PRKCI: variants seen among roughly 807,000 people sequenced by gnomAD.
PRKCI encodes protein kinase C iota, also known as protein kinase C iota type.
Under a neutral mutation model 84.0 loss-of-function variants are expected in PRKCI, and 43 were observed. The observed-to-expected ratio is 0.51, with a 90% CI of 0.40 to 0.66. The LOEUF is 0.66. Among genes scored for constraint, PRKCI ranks in the 30% least tolerant of loss-of-function variants. PRKCI has a pLI of 0.00. For missense variants in PRKCI, 459 were observed against 745.6 expected (o/e 0.62, Z 4.48); for synonymous variants, 216 against 234.4 (o/e 0.92, Z 0.72).
chr3:170,298,785 C>A (rs925768107), intron 16 of PRKCI, among the ~76,000 whole-genome samples: 1 of 152,238 alleles, frequency 6.6e-6, no homozygotes, highest in African/African-American at 2.4e-5. Context: ...AAGTGATCCT[C>A]CCATCTCAAC....
rs376385729 is a variant in PRKCI, at chr3:170,222,646, G to C, written c.-24G>C. The C allele has an allele frequency of 2.8e-5, 43 of 1,550,302 alleles. No individual in the cohort carries two copies. Among genetic ancestry groups the C allele is most frequent in the Non-Finnish European group, 3.7e-5 (43 of 1,148,804 alleles). ...CGCCCCCCCGCACCCCCGGCCTCCA[G>C]CGTTGAGGCGGGGGAGTGAGGAGAT... On this transcript the variant is annotated 5_prime_UTR_variant, in exon 1 of 18. Transcript: ENST00000295797.
intron 17 of PRKCI, among the ~76,000 whole-genome samples, 185 bp downstream of exon 17, chr3:170,299,295 C>T (rs1361246965): frequency 2.0e-5 from 3 of 152,168 alleles, no homozygotes; most frequent in Non-Finnish European, 2.9e-5. Context: ...GGTGCAATCT[C>T]GGCTCACTGC....
chr3:170,237,759 G>C (rs1230131452), intron 2 of PRKCI, among the ~76,000 whole-genome samples: 2 of 152,120 alleles, frequency 1.3e-5, no homozygotes, highest in Non-Finnish European at 2.9e-5. Context: ...CAGTGTTCCT[G>C]AAGTAATTCA....
chr3:170,301,688 C>T (rs190217053), intron 17 of PRKCI, among the ~76,000 whole-genome samples: 43 of 152,082 alleles, frequency 2.8e-4, no homozygotes, highest in African/African-American at 9.4e-4. Flanking sequence ...TTTTCTCTTC[C>T]CGTTGACACA....
chr3:170,251,495 A>G (rs1398331691), intron 2 of PRKCI, among the ~76,000 whole-genome samples: 1 of 152,252 alleles, frequency 6.6e-6, no homozygotes, highest in Non-Finnish European at 1.5e-5. Flanking sequence ...TGAGGTATAA[A>G]TAGTCAATTC....
At chr3:170,244,474 T>TC (rs1216769537) in intron 2 of PRKCI, among the ~76,000 whole-genome samples, 1 of 152,060 alleles carries the variant, frequency 6.6e-6, no homozygotes, top group Non-Finnish European at 1.5e-5. Flanking sequence ...AAGCTCTGTG[T>TC]CCCCCCGTAC....
intron 2 of PRKCI, among the ~76,000 whole-genome samples, chr3:170,239,855 A>C (rs1229793874): frequency 6.6e-6 from 1 of 152,050 alleles, no homozygotes; most frequent in African/African-American, 2.4e-5. Flanking sequence ...CTATGCTCAA[A>C]AAATATTTGT....
intron 11 of PRKCI, among the ~76,000 whole-genome samples, chr3:170,283,708 G>A (rs1016410524): frequency 1.1e-4 from 16 of 152,074 alleles, no homozygotes; most frequent in African/African-American, 3.9e-4. Flanking sequence ...TACCATCTTT[G>A]CTTTTGTAAG....
chr3:170,280,353 C>G lies in PRKCI; in HGVS notation c.832C>G (p.Arg278Gly). Residue 278 changes from arginine to glycine, a missense_variant, in exon 9 of 18, where the codon CGT (arginine) becomes GGT (glycine). Coordinates refer to ENST00000295797, the MANE Select transcript of PRKCI (RefSeq NM_002740.6). Reference sequence around the variant, plus strand: ...GTTGGTTCGATTAAAAAAAACAGATCGTATTTATGCAATGAAAGTTGTGAA... The same window carrying G: ...GTTGGTTCGATTAAAAAAAACAGATGGTATTTATGCAATGAAAGTTGTGAA... The part of the protein sequence containing the change: ...VLLVRLKKTD[R>G]IYAMKVVKKE... 2.5e-6 allele frequency: 4 copies of G among 1,613,516 alleles called. No homozygotes were observed. The highest frequency in any genetic ancestry group is 3.4e-6 in the Non-Finnish European group (4 of 1,179,814).
chr3:170,279,776 T>C (rs1734200899), intron 8 of PRKCI, among the ~76,000 whole-genome samples: 1 of 152,238 alleles, frequency 6.6e-6, no homozygotes. Flanking sequence ...TCTTGATGTC[T>C]CATTATAACT....
At chr3:170,232,650 T>C (rs1409402844) in intron 1 of PRKCI, among the ~76,000 whole-genome samples, 1 of 152,062 alleles carries the variant, frequency 6.6e-6, no homozygotes, top group African/African-American at 2.4e-5. Context: ...CACTGCAGCC[T>C]TGAACTCCTG....
rs1734909625 is a variant in PRKCI, at chr3:170,304,578, C to T, written c.*1451C>T. The T allele has an allele frequency of 6.6e-6, 1 of 152,158 alleles. No homozygotes were observed. Among genetic ancestry groups the T allele is most frequent in the South Asian group, 2.1e-4 (1 of 4,834 alleles). The allele number at this position is 152,158 out of a possible 1,614,324, so 9.4% of individuals were successfully genotyped here. A position where few individuals can be genotyped will look rare whatever the true frequency, so the allele number is the denominator to read the frequency against. ...CAGGACACACACATACACTCACACA[C>T]ATCACAGTATCAGCTCTTTCAGTGA... On this transcript the variant is annotated 3_prime_UTR_variant, in exon 18 of 18. Transcript: ENST00000295797.
chr3:170,302,983 T>A, intron 17 of PRKCI, 57 bp from the exon 18 acceptor site: 1 of 1,256,042 alleles, frequency 8.0e-7, no homozygotes, highest in Non-Finnish European at 1.1e-6. Flanking sequence ...ATTTTACCAT[T>A]TAAAGGTTGA....
intron 4 of PRKCI, among the ~76,000 whole-genome samples, chr3:170,267,415 T>C (rs1292737079): frequency 6.6e-6 from 1 of 152,074 alleles, no homozygotes. Context: ...GGCTCACGCC[T>C]GTAATCCCAG....
At chr3:170,268,839 A>G (rs921979342) in intron 5 of PRKCI, among the ~76,000 whole-genome samples, 3 of 152,224 alleles carry the variant, frequency 2.0e-5, no homozygotes, top group African/African-American at 7.2e-5. Flanking sequence ...AAGATAATAC[A>G]GCTAGTAAGT....
chr3:170,266,293 G>A (rs770944058), intron 4 of PRKCI, among the ~76,000 whole-genome samples: 47 of 152,114 alleles, frequency 3.1e-4, no homozygotes, highest in Admixed American at 6.6e-4. Context: ...TCACTTTACA[G>A]ATTAGTTACA....
At chr3:170,303,010 A>G (rs755632678) in intron 17 of PRKCI, 30 bp from the exon 18 acceptor site, 10 of 1,489,114 alleles carry the variant, frequency 6.7e-6, no homozygotes, top group Non-Finnish European at 8.3e-6. Flanking sequence ...CTTGATTATG[A>G]TGAAAATAAA....
chr3:170,261,394 T>C (rs1733721837), intron 3 of PRKCI, among the ~76,000 whole-genome samples: 1 of 151,636 alleles, frequency 6.6e-6, no homozygotes, highest in Non-Finnish European at 1.5e-5. Context: ...TTTCCTTAAG[T>C]ATAATGAATC....
intron 2 of PRKCI, among the ~76,000 whole-genome samples, chr3:170,259,066 C>A (rs985181894): frequency 5.3e-5 from 8 of 152,000 alleles, no homozygotes; most frequent in Non-Finnish European, 1.0e-4. Context: ...ATCGCTTGAA[C>A]CCAGGAGGCG....
Sources: allele counts gnomAD v4.1 joint callset (sites outside exome capture counted in the v4.1 genomes callset), GRCh38; gene constraint gnomAD v4.1.1; transcripts MANE v1.5; gene names NCBI Gene and HGNC (gene_info 2026-07-23, HGNC 2026-07-21).